The following SLC25A6 variants were observed in gnomAD, a reference collection of about 807,000 sequenced individuals.
SLC25A6 encodes the protein solute carrier family 25 member 6, also known as ADP/ATP translocase 3.
SLC25A6 carries 9 observed loss-of-function variants against 25.7 expected under a neutral mutation model. The observed-to-expected ratio is 0.35, with a 90% confidence interval of 0.21 to 0.61. SLC25A6 has a LOEUF of 0.61. SLC25A6 is among the 20% of genes least tolerant of loss of function. The probability of loss-of-function intolerance (pLI) is 0.76; values close to 1 mark genes in which losing one functional copy is unlikely to be tolerated. For missense variants in SLC25A6, 404 were observed against 440.5 expected, an observed-to-expected ratio of 0.92 and a Z score of 0.74; for synonymous variants, 223 against 197.0, an observed-to-expected ratio of 1.13 and a Z score of -1.11.
chrX:1,386,844 A>G lies in SLC25A6; in HGVS notation c.740-85T>C, dbSNP rs2089331636. On this transcript the variant is annotated intron_variant, in intron 3 of 3. Transcript: ENST00000381401. ...ACCTGCACCCACAAAGACGTTTCAC[A>G]GAAATAACACCCCAGACGCCTGAGC... 5 of 1,469,732 alleles carry G rather than the reference A, an allele frequency of 3.4e-6. No individual in the cohort carries two copies. The Middle Eastern group carries it at 5.8e-4, about 171-fold the overall frequency. 91.0% of individuals were successfully genotyped at this position (1,469,732 alleles called of 1,614,324 possible).
chrX:1,389,807 T>C, intron 1 of SLC25A6, 80 bp from the exon 2 acceptor site: 8 of 1,559,570 alleles, frequency 5.1e-6, no homozygotes, highest in Non-Finnish European at 6.9e-6. Flanking sequence ...GCATCCTTTT[T>C]TTGACACAAG....
Position 1,389,042 on chromosome X carries a change from G to C in SLC25A6, c.598+199C>G, listed in dbSNP as rs763101038. Among the ~76,000 whole-genome samples the C allele has an allele frequency of 2.0e-5, 3 of 151,440 alleles. No homozygotes were observed. The South Asian group carries it at 6.2e-4, about 31-fold the overall frequency. On this transcript the variant is annotated intron_variant, in intron 2 of 3. Coordinates refer to ENST00000381401, the MANE Select transcript of SLC25A6 (RefSeq NM_001636.4). ...ATTAAGACATCCCATAAGAAGAGAGGATGAGGACACAGACACACACAGAGG... is the reference window on the plus strand; with the variant it reads ...ATTAAGACATCCCATAAGAAGAGAGCATGAGGACACAGACACACACAGAGG...
intron 2 of SLC25A6, among the ~76,000 whole-genome samples, chrX:1,388,820 G>C (rs1320862153): frequency 6.6e-6 from 1 of 150,982 alleles, no homozygotes; most frequent in African/African-American, 2.4e-5. Flanking sequence ...TGAGGACACA[G>C]ACACACACAG....
At chrX:1,390,602 A>G (rs753579161) in intron 1 of SLC25A6, among the ~76,000 whole-genome samples, 1 of 150,360 alleles carries the variant, frequency 6.7e-6, no homozygotes, top group East Asian at 2.0e-4. Context: ...AGGTTTTTTT[A>G]AGATGTGGGG....
At chrX:1,391,604 A>G (rs1210863765) in intron 1 of SLC25A6, among the ~76,000 whole-genome samples, 17 of 152,212 alleles carry the variant, frequency 1.1e-4, no homozygotes, top group African/African-American at 3.9e-4. Flanking sequence ...CTCAAGGTCA[A>G]GGCCCGCCAG....
Position 1,391,978 on chromosome X carries a change from T to G in SLC25A6, c.32A>C (p.Asp11Ala). 1.9e-6 allele frequency: 3 copies of G among 1,609,256 alleles called. No individual in the cohort carries two copies. Among genetic ancestry groups the G allele is most frequent in the Non-Finnish European group, 2.5e-6 (3 of 1,178,820 alleles). The change falls in exon 1 of 4, where the codon GAC (aspartate) becomes GCC (alanine). Residue 11 changes from aspartate (D) to alanine (A), a missense_variant. Coordinates refer to ENST00000381401, the MANE Select transcript of SLC25A6 (RefSeq NM_001636.4). Reference sequence around the variant, plus strand: ...GGCGGCGATGCCTCCGGCCAAGAAGTCTTTGGCGAAGGAGATGGCCTGTTC... The same window carrying G: ...GGCGGCGATGCCTCCGGCCAAGAAGGCTTTGGCGAAGGAGATGGCCTGTTC... MTEQAISFAK[D>A]FLAGGIAAAI...
chrX:1,386,804 C>T (rs773087930), intron 3 of SLC25A6, 45 bp from the exon 4 acceptor site: 36 of 1,585,578 alleles, frequency 2.3e-5, no homozygotes, highest in Non-Finnish European at 2.8e-5. Context: ...CCAAGCTCTT[C>T]AAGACACGGA....
At chrX:1,387,179 T>C (rs2089336177) in intron 3 of SLC25A6, 100 bp downstream of exon 3, 1 of 1,454,430 alleles carries the variant, frequency 6.9e-7, no homozygotes, top group Admixed American at 1.8e-5. Context: ...TCACACGCCC[T>C]GGAAGTGCCT....
rs1191487488 is a variant in SLC25A6, at chrX:1,386,528, C to T, written c.*74G>A. 40 of 1,387,768 alleles carry T rather than the reference C, an allele frequency of 2.9e-5. No individual in the cohort carries two copies. The highest frequency in any genetic ancestry group is 8.3e-5 in the East Asian group (3 of 36,004). 86.0% of individuals were successfully genotyped at this position (1,387,768 alleles called of 1,614,324 possible). A position where few individuals can be genotyped will look rare whatever the true frequency, so the allele number is the denominator to read the frequency against. On this transcript the variant is annotated 3_prime_UTR_variant, in exon 4 of 4. Coordinates refer to ENST00000381401, the MANE Select transcript of SLC25A6 (RefSeq NM_001636.4). Reference sequence around the variant, plus strand: ...TGGAATTTCTCGAAGGTTGATGGTCCGCACGGTTGAGGATTCTACGTGGTT... The same window carrying T: ...TGGAATTTCTCGAAGGTTGATGGTCTGCACGGTTGAGGATTCTACGTGGTT...
Position 1,389,254 on chromosome X carries a change from G to A in SLC25A6, c.585C>T (p.Tyr195=), listed in dbSNP as rs200380474. 18 of 1,613,072 alleles carry A rather than the reference G, an allele frequency of 1.1e-5. No homozygotes were observed. Among genetic ancestry groups the A allele is most frequent in the African/African-American group, 6.7e-5 (5 of 75,012 alleles). The change falls in exon 2 of 4, where the codon TAC becomes TAT. Residue 195 remains tyrosine, a synonymous_variant. Coordinates refer to ENST00000381401, the MANE Select transcript of SLC25A6 (RefSeq NM_001636.4). ...IIYRAAYFGV[Y]DTAKGMLPDP... is the part of the protein sequence containing the mutation. ...AGCCACACGTACCCTTGGCCGTATC[G>A]TACACGCCGAAGTAGGCCGCCCGGT...
In SLC25A6 at chrX:1,387,292, G is replaced by A. The variant is rs369739787; in HGVS notation, c.726C>T (p.Ser242=). The A allele has an allele frequency of 4.3e-5, 70 of 1,612,570 alleles. No individual in the cohort carries two copies. In the Middle Eastern group the frequency reaches 6.9e-4, roughly 16 times the overall value. ...DTVRRRMMMQ[S]GRKGADIMYT... is the part of the protein sequence containing the mutation. Reference sequence around the variant, plus strand: ...CCCCCCGAGTACCTCCTTTGCGCCCGGACTGCATCATCATGCGCCGCCGCA... The same window carrying A: ...CCCCCCGAGTACCTCCTTTGCGCCCAGACTGCATCATCATGCGCCGCCGCA... The change falls in exon 3 of 4, where the codon TCC becomes TCT. Residue 242 remains serine (S), a synonymous_variant. Transcript: ENST00000381401.
chrX:1,387,343 G>C lies in SLC25A6; in HGVS notation c.675C>G (p.Gly225=). 6.2e-7 allele frequency: 1 copy of C among 1,613,266 alleles called. No homozygotes were observed. The highest frequency in any genetic ancestry group is 8.5e-7 in the Non-Finnish European group (1 of 1,179,776). ...CCGTGTCGAAGGGGTAGGACACCAC[G>C]CCGGCCACGGCCGTCACGGTCTGCG... is the stretch of plus-strand genomic sequence containing the variant. ...MIAQTVTAVA[G]VVSYPFDTVR... The change falls in exon 3 of 4, where the codon GGC becomes GGG. Residue 225 remains glycine, a synonymous_variant. Coordinates refer to ENST00000381401, the MANE Select transcript of SLC25A6 (RefSeq NM_001636.4).
intron 2 of SLC25A6, 83 bp from the exon 3 acceptor site, chrX:1,387,502 C>T (rs1180664290): frequency 6.4e-7 from 1 of 1,565,740 alleles, no homozygotes; most frequent in Non-Finnish European, 8.6e-7. Context: ...GTGCTCACGG[C>T]CCCCTGAGGT....
chrX:1,389,732 G>A lies in SLC25A6; in HGVS notation c.112-5C>T. On this transcript the variant is annotated splice_region_variant and splice_polypyrimidine_tract_variant and intron_variant, in intron 1 of 3. Coordinates refer to ENST00000381401, the MANE Select transcript of SLC25A6 (RefSeq NM_001636.4). ...CTGCTTGCTGGCGTGCTGGACCTGGGGGACGCAGAGGGTGTTCAGACCAGA... is the reference window on the plus strand; with the variant it reads ...CTGCTTGCTGGCGTGCTGGACCTGGAGGACGCAGAGGGTGTTCAGACCAGA... 1.2e-6 allele frequency: 2 copies of A among 1,610,944 alleles called. No individual in the cohort carries two copies. Among genetic ancestry groups the A allele is most frequent in the Non-Finnish European group, 1.7e-6 (2 of 1,178,692 alleles).
intron 1 of SLC25A6, among the ~76,000 whole-genome samples, chrX:1,389,995 G>T (rs1382662187): frequency 6.6e-6 from 1 of 151,918 alleles, no homozygotes; most frequent in Non-Finnish European, 1.5e-5. Flanking sequence ...TGCTGACCTC[G>T]TGAGCCACCG....
chrX:1,391,936 G>A lies in SLC25A6; in HGVS notation c.74C>T (p.Ala25Val). Reference protein sequence around the residue: ...GGIAAAISKTAVAPIERVKLL... With the variant: ...GGIAAAISKTVVAPIERVKLL... The stretch of plus-strand genomic sequence containing the variant: ...CTTGACCCGCTCGATCGGAGCCACG[G>A]CCGTCTTGGAGATGGCGGCGGCGAT... Residue 25 changes from alanine to valine, a missense_variant, in exon 1 of 4, where the codon GCC becomes GTC. By Grantham distance (64) the Ala-to-Val change is moderately conservative (BLOSUM62 0). Coordinates refer to ENST00000381401, the MANE Select transcript of SLC25A6 (RefSeq NM_001636.4). 1.2e-6 allele frequency: 2 copies of A among 1,609,428 alleles called. No homozygotes were observed. The highest frequency in any genetic ancestry group is 1.7e-6 in the Non-Finnish European group (2 of 1,178,836).
chrX:1,386,903 TC>T, intron 3 of SLC25A6, 144 bp from the exon 4 acceptor site: 1 of 1,040,898 alleles, frequency 9.6e-7, no homozygotes, highest in Non-Finnish European at 1.4e-6. Context: ...TACCTGAGGC[TC>T]CCCCAGCTCA....
intron 1 of SLC25A6, among the ~76,000 whole-genome samples, chrX:1,390,915 C>T (rs1293761201): frequency 1.1e-4 from 16 of 150,826 alleles, no homozygotes; most frequent in Non-Finnish European, 2.2e-4. Flanking sequence ...TGCGGGGACA[C>T]CCCGCCTGCT....
intron 1 of SLC25A6, 120 bp from the exon 2 acceptor site, chrX:1,389,847 T>G: frequency 6.7e-7 from 1 of 1,499,554 alleles, no homozygotes; most frequent in Non-Finnish European, 8.9e-7. Flanking sequence ...TGGAGTGCAA[T>G]GGGGTGATCA....
Sources: allele counts gnomAD v4.1 joint callset (sites outside exome capture counted in the v4.1 genomes callset), GRCh38; gene constraint gnomAD v4.1.1; transcripts MANE v1.5; gene names NCBI Gene and HGNC (gene_info 2026-07-23, HGNC 2026-07-21).